USP46: variants seen among roughly 807,000 people sequenced by gnomAD.
USP46 encodes the protein ubiquitin carboxyl-terminal hydrolase 46.
A neutral mutation model predicts 44.4 loss-of-function variants in USP46; 12 were observed. The ratio of observed to expected loss-of-function variants is 0.27; its 90% CI spans 0.17 to 0.44. The LOEUF is 0.44. Ranked by LOEUF, USP46 falls within the 20% of genes least tolerant of loss-of-function variation. The pLI, the probability that USP46 is intolerant of heterozygous loss-of-function variation, is 1.00. For synonymous variants in USP46, 155 were observed against 161.5 expected, an observed-to-expected ratio of 0.96 and a Z score of 0.31; for missense variants, 248 against 444.8, an observed-to-expected ratio of 0.56 and a Z score of 3.98.
chr4:52,633,210 C>T (rs1473232038), intron 1 of USP46, among the ~76,000 whole-genome samples: 1 of 152,176 alleles, frequency 6.6e-6, no homozygotes, highest in Non-Finnish European at 1.5e-5. Flanking sequence ...CACAGAACTA[C>T]AGTAGAAATG....
At chr4:52,599,266 G>A (rs1392193096) in intron 7 of USP46, among the ~76,000 whole-genome samples, 2 of 151,424 alleles carry the variant, frequency 1.3e-5, no homozygotes, top group Non-Finnish European at 2.9e-5. Flanking sequence ...AGGGGTAGGG[G>A]TGGGGGTCAG....
intron 6 of USP46, among the ~76,000 whole-genome samples, chr4:52,603,399 A>G (rs1354431354): frequency 6.6e-6 from 1 of 152,210 alleles, no homozygotes; most frequent in Admixed American, 6.5e-5. Flanking sequence ...TTTGGAGTGA[A>G]CGCCTGGGAA....
rs143070441 is a variant in USP46 at position 52,627,022 on chromosome 4, G to A, written c.332-775C>T. ...ACACAGAAGGGAGATGAGGGTATGT[G>A]TGAGCAAGCATCTATCTGATAGTGT... On this transcript the variant is annotated intron_variant, in intron 3 of 8. Transcript: ENST00000441222. Among the ~76,000 whole-genome samples the A allele has an allele frequency of 1.5e-3, 231 of 152,298 alleles. 1 individual carries two copies. Among genetic ancestry groups the A allele is most frequent in the Non-Finnish European group, 2.5e-3 (170 of 68,028 alleles).
chr4:52,650,045 A>G (rs1718695354), intron 1 of USP46, among the ~76,000 whole-genome samples: 1 of 152,258 alleles, frequency 6.6e-6, no homozygotes, highest in Non-Finnish European at 1.5e-5. Context: ...GCAATTTGAC[A>G]CACCTAGCAA....
rs935308846 is a variant in USP46 at position 52,593,111 on chromosome 4, T to C, written c.*4529A>G. 2.5e-6 allele frequency: 1 copy of C among 395,840 alleles called. No homozygotes were observed. Among genetic ancestry groups the C allele is most frequent in the Non-Finnish European group, 4.4e-6 (1 of 225,018 alleles). 24.5% of individuals were successfully genotyped at this position (395,840 alleles called of 1,614,324 possible). A position where few individuals can be genotyped will look rare whatever the true frequency, so the allele number is the denominator to read the frequency against. On this transcript the variant is annotated 3_prime_UTR_variant, in exon 9 of 9. Coordinates refer to ENST00000441222, the MANE Select transcript of USP46 (RefSeq NM_022832.4). ...GTAAGTATTTTTATCTTCATGTAAA[T>C]ATAAGGGAATGGAAATGGAAGGCTT... is the stretch of plus-strand genomic sequence containing the variant.
intron 5 of USP46, among the ~76,000 whole-genome samples, 172 bp from the exon 6 acceptor site, chr4:52,604,756 A>T (rs996497290): frequency 6.6e-6 from 1 of 152,218 alleles, no homozygotes; most frequent in African/African-American, 2.4e-5. Flanking sequence ...CAGGATGAAA[A>T]ACAAAAATAA....
intron 5 of USP46, among the ~76,000 whole-genome samples, chr4:52,607,924 T>A (rs1332734314): frequency 6.6e-6 from 1 of 152,210 alleles, no homozygotes; most frequent in African/African-American, 2.4e-5. Context: ...CTTTTCTTTA[T>A]AAATTACCCA....
intron 4 of USP46, among the ~76,000 whole-genome samples, chr4:52,622,336 A>T (rs1000224397): frequency 5.9e-5 from 9 of 152,144 alleles, no homozygotes; most frequent in Admixed American, 2.0e-4. Context: ...ATACTTCTTT[A>T]AAAAAATGAT....
At chr4:52,631,179 G>A in intron 1 of USP46, 35 bp from the exon 2 acceptor site, 2 of 1,506,564 alleles carry the variant, frequency 1.3e-6, no homozygotes. Flanking sequence ...TCTGTTGCAT[G>A]TAAAATAGAC....
intron 7 of USP46, among the ~76,000 whole-genome samples, chr4:52,599,307 T>C (rs1716364168): frequency 6.6e-6 from 1 of 151,858 alleles, no homozygotes. Context: ...GACTCTGGGA[T>C]GGAAGTTTCA....
chr4:52,615,610 G>C (rs1017136668), intron 4 of USP46, among the ~76,000 whole-genome samples: 4 of 152,150 alleles, frequency 2.6e-5, no homozygotes, highest in Non-Finnish European at 5.9e-5. Context: ...CGTTATGTAA[G>C]TGAAGGAAGT....
At chr4:52,628,607 A>G (rs1211384495) in intron 2 of USP46, among the ~76,000 whole-genome samples, 2 of 152,234 alleles carry the variant, frequency 1.3e-5, no homozygotes, top group African/African-American at 4.8e-5. Context: ...GAAATCCAGT[A>G]ATTAGGAACC....
chr4:52,635,551 C>G (rs1172185063), intron 1 of USP46, among the ~76,000 whole-genome samples: 1 of 152,132 alleles, frequency 6.6e-6, no homozygotes, highest in Non-Finnish European at 1.5e-5. Flanking sequence ...TTCCACTCAA[C>G]AGAAAAAAAC....
Position 52,631,076 on chromosome 4 carries a change from G to A in USP46, c.105C>T (p.Phe35=), listed in dbSNP as rs772773554. Residue 35 remains phenylalanine, a synonymous_variant, in exon 2 of 9, where the codon TTC becomes TTT. Coordinates refer to ENST00000441222, the MANE Select transcript of USP46 (RefSeq NM_022832.4). ...TTTACATACTTACATTGACCAATCC[G>A]AAATAGTGTTCATTGATTGGAAACT... The part of the protein sequence containing the change: ...PEQFPINEHY[F]GLVNFGNTCY... 19 of 1,565,452 alleles carry A rather than the reference G, an allele frequency of 1.2e-5. No individual in the cohort carries two copies. In the East Asian group the frequency reaches 1.6e-4, roughly 13 times the overall value.
rs192268227 is a variant in USP46 at position 52,619,286 on chromosome 4, A to T, written c.561+6732T>A. Among the ~76,000 whole-genome samples the T allele has an allele frequency of 2.8e-3, 422 of 151,338 alleles. 4 individuals carry two copies. The highest frequency in any genetic ancestry group is 5.7e-4 in the Non-Finnish European group (39 of 67,888). On this transcript the variant is annotated intron_variant, in intron 4 of 8. Transcript: ENST00000441222. ...CTGCAATCATAAGCAACATTTACAAAGGGTGAGACCCAGGAAAAAAAAAAA... is the reference window on the plus strand; with the variant it reads ...CTGCAATCATAAGCAACATTTACAATGGGTGAGACCCAGGAAAAAAAAAAA...
chr4:52,615,065 T>C (rs1717072712), intron 4 of USP46, among the ~76,000 whole-genome samples: 3 of 151,606 alleles, frequency 2.0e-5, no homozygotes, highest in Admixed American at 2.0e-4. Flanking sequence ...AATGGAATTA[T>C]AAAAATATAT....
At chr4:52,644,929 C>T (rs1268562785) in intron 1 of USP46, among the ~76,000 whole-genome samples, 4 of 151,996 alleles carry the variant, frequency 2.6e-5, no homozygotes, top group South Asian at 2.1e-4. Flanking sequence ...TGGTGGCACG[C>T]GCCTGTAAGC....
At chr4:52,624,299 C>CAGGGAGGG (rs1459203284) in intron 4 of USP46, among the ~76,000 whole-genome samples, 1 of 152,042 alleles carries the variant, frequency 6.6e-6, no homozygotes, top group African/African-American at 2.4e-5. Flanking sequence ...GAGACAGTGG[C>CAGGGAGGG]AGGGAGGGAA....
chr4:52,651,827 A>T (rs751032104), intron 1 of USP46, among the ~76,000 whole-genome samples: 56 of 152,214 alleles, frequency 3.7e-4, no homozygotes, highest in Non-Finnish European at 7.2e-4. Context: ...TTGCTGGCAC[A>T]GGCAGGTCTC....
Sources: allele counts gnomAD v4.1 joint callset (sites outside exome capture counted in the v4.1 genomes callset), GRCh38; gene constraint gnomAD v4.1.1; transcripts MANE v1.5; gene names NCBI Gene and HGNC (gene_info 2026-07-23, HGNC 2026-07-21).